The following MRGPRX4 variants were observed in gnomAD, a reference collection of about 807,000 sequenced individuals.
The protein encoded by MRGPRX4 is MAS related GPR family member X4, also known as mas-related G protein-coupled receptor member X4.
Under a neutral mutation model 17.8 loss-of-function variants are expected in MRGPRX4, and 13 were observed. That is an observed-to-expected ratio of 0.73 (90% CI 0.48 to 1.16). The LOEUF (loss-of-function observed/expected upper bound fraction) is 1.16. Ranked by LOEUF, MRGPRX4 falls within the 50% of genes most tolerant of loss-of-function variation. The pLI is 0.00. For synonymous variants in MRGPRX4, 192 were observed against 175.3 expected (o/e 1.10, Z -0.75); for missense variants, 399 against 405.0 (o/e 0.99, Z 0.13).
chr11:18,173,942 G>A lies in MRGPRX4; in HGVS notation c.686G>A (p.Gly229Asp), dbSNP rs1277672888. The change falls in exon 1 of 1, where the codon GGC becomes GAC. Residue 229 changes from glycine (G) to aspartate (D), a missense_variant. By Grantham distance (94) the Gly-to-Asp change is moderately conservative. Coordinates refer to ENST00000314254, the MANE Select transcript of MRGPRX4 (RefSeq NM_054032.3). Reference protein sequence around the residue: ...LLTVLVFLLCGLPFGILGALI... With the variant: ...LLTVLVFLLCDLPFGILGALI... The stretch of plus-strand genomic sequence containing the variant: ...ACAGTGCTGGTCTTCCTCCTCTGCG[G>A]CCTGCCCTTCGGCATTCTGGGGGCC... 1.9e-6 allele frequency: 3 copies of A among 1,614,206 alleles called. No individual in the cohort carries two copies. Among genetic ancestry groups the A allele is most frequent in the East Asian group, 2.2e-5 (1 of 44,892 alleles).
In MRGPRX4 at chr11:18,173,077, T is replaced by G; in HGVS notation, c.-180T>G. 1.3e-6 allele frequency: 1 copy of G among 776,928 alleles called. No homozygotes were observed. The highest frequency in any genetic ancestry group is 2.6e-5 in the East Asian group (1 of 39,154). The allele number at this position is 776,928 out of a possible 1,614,324, so 48.1% of individuals were successfully genotyped here. ...AGTCAACAAGAACTGGATTTCAAAC[T>G]GGATTTGAGGACCCCCACCTTTGGT... On this transcript the variant is annotated 5_prime_UTR_variant, in exon 1 of 1. Coordinates refer to ENST00000314254, the MANE Select transcript of MRGPRX4 (RefSeq NM_054032.3).
Position 18,173,311 on chromosome 11 carries a change from G to A in MRGPRX4, c.55G>A (p.Glu19Lys), listed in dbSNP as rs750509710. 3.1e-6 allele frequency: 5 copies of A among 1,613,882 alleles called. No homozygotes were observed. In the East Asian group the frequency reaches 1.1e-4, roughly 36 times the overall value. ...AAAACTGACACCAATCAACGGACGT[G>A]AGGAGACTCCTTGCTACAATCAGAC... is the stretch of plus-strand genomic sequence containing the variant. ...GTKLTPINGREETPCYNQTLS... is the reference protein window; with the variant it reads ...GTKLTPINGRKETPCYNQTLS... The change falls in exon 1 of 1, where the codon GAG becomes AAG. Residue 19 changes from glutamate to lysine, a missense_variant. Coordinates refer to ENST00000314254, the MANE Select transcript of MRGPRX4 (RefSeq NM_054032.3).
Position 18,173,370 on chromosome 11 carries a change from C to T in MRGPRX4, c.114C>T (p.Ser38=). The T allele has an allele frequency of 6.2e-7, 1 of 1,614,158 alleles. No individual in the cohort carries two copies. Among genetic ancestry groups the T allele is most frequent in the South Asian group, 1.1e-5 (1 of 91,074 alleles). The change falls in exon 1 of 1, where the codon TCC becomes TCT. Residue 38 remains serine, a synonymous_variant. Coordinates refer to ENST00000314254, the MANE Select transcript of MRGPRX4 (RefSeq NM_054032.3). ...TCACGGTGCTGACGTGCATCATTTCCCTTGTCGGACTGACAGGAAACGCGG... is the reference window on the plus strand; with the variant it reads ...TCACGGTGCTGACGTGCATCATTTCTCTTGTCGGACTGACAGGAAACGCGG... ...LSFTVLTCII[S]LVGLTGNAVV...
chr11:18,173,482 C>G lies in MRGPRX4; in HGVS notation c.226C>G (p.Leu76Val). 6.2e-7 allele frequency: 1 copy of G among 1,614,212 alleles called. No individual in the cohort carries two copies. The highest frequency in any genetic ancestry group is 8.5e-7 in the Non-Finnish European group (1 of 1,180,040). Residue 76 changes from leucine (L) to valine (V), a missense_variant, in exon 1 of 1, where the codon CTC becomes GTC. By Grantham distance (32) the Leu-to-Val change is conservative (BLOSUM62 1). Coordinates refer to ENST00000314254, the MANE Select transcript of MRGPRX4 (RefSeq NM_054032.3). The part of the protein sequence containing the change: ...LNLAAADFLF[L>V]SFQIIRLPLR... Reference sequence around the variant, plus strand: ...CCTGGCCGCAGCAGACTTCCTCTTCCTCAGCTTCCAGATTATACGTTTGCC... The same window carrying G: ...CCTGGCCGCAGCAGACTTCCTCTTCGTCAGCTTCCAGATTATACGTTTGCC...
At position 18,173,659 on chromosome 11, in the gene MRGPRX4, C is replaced by A. The variant is rs1235359918; in HGVS notation, c.403C>A (p.Pro135Thr). The A allele has an allele frequency of 1.9e-6, 3 of 1,614,058 alleles. No individual in the cohort carries two copies. The highest frequency in any genetic ancestry group is 2.5e-6 in the Non-Finnish European group (3 of 1,180,044). The stretch of plus-strand genomic sequence containing the variant: ...GCCCATCTGGTACCGCTGCCGCCGC[C>A]CCACACACCTGTCAGCGGTCGTGTG... ...LWPIWYRCRR[P>T]THLSAVVCVL... Residue 135 changes from proline (P) to threonine (T), a missense_variant, in exon 1 of 1, where the codon CCC becomes ACC. Coordinates refer to ENST00000314254, the MANE Select transcript of MRGPRX4 (RefSeq NM_054032.3).
rs1590321060 is a variant in MRGPRX4 at position 18,173,088 on chromosome 11, A to G, written c.-169A>G. ...ACTGGATTTCAAACTGGATTTGAGG[A>G]CCCCCACCTTTGGTAAGTGACTTAT... On this transcript the variant is annotated 5_prime_UTR_variant, in exon 1 of 1. Transcript: ENST00000314254. 1.6e-5 allele frequency: 14 copies of G among 865,822 alleles called. No homozygotes were observed. In the Admixed American group the frequency reaches 3.6e-4, roughly 22 times the overall value. 53.6% of individuals were successfully genotyped at this position (865,822 alleles called of 1,614,324 possible). A position where few individuals can be genotyped will look rare whatever the true frequency, so the allele number is the denominator to read the frequency against.
chr11:18,173,383 A>C lies in MRGPRX4; in HGVS notation c.127A>C (p.Thr43Pro), dbSNP rs200829061. The change falls in exon 1 of 1, where the codon ACA becomes CCA. Residue 43 changes from threonine (T) to proline (P), a missense_variant. Coordinates refer to ENST00000314254, the MANE Select transcript of MRGPRX4 (RefSeq NM_054032.3). ...LTCIISLVGL[T>P]GNAVVLWLLG... is the part of the protein sequence containing the mutation. ...GTGCATCATTTCCCTTGTCGGACTG[A>C]CAGGAAACGCGGTTGTGCTCTGGCT... The C allele has an allele frequency of 1.2e-6, 2 of 1,614,126 alleles. No individual in the cohort carries two copies. The highest frequency in any genetic ancestry group is 2.2e-5 in the South Asian group (2 of 91,082).
At position 18,173,862 on chromosome 11, in the gene MRGPRX4, C is replaced by A. The variant is rs570541225; in HGVS notation, c.606C>A (p.Ile202=). The A allele has an allele frequency of 6.2e-7, 1 of 1,614,134 alleles. No individual in the cohort carries two copies. The highest frequency in any genetic ancestry group is 8.5e-7 in the Non-Finnish European group (1 of 1,180,032). The change falls in exon 1 of 1, where the codon ATC becomes ATA. Residue 202 remains isoleucine, a synonymous_variant. Coordinates refer to ENST00000314254, the MANE Select transcript of MRGPRX4 (RefSeq NM_054032.3). The stretch of plus-strand genomic sequence containing the variant: ...CCAGCCTGGTCCTGCTGGTCAGGAT[C>A]CTCTGTGGATCCCGGAAGATGCCGC... The part of the protein sequence containing the change: ...CVSSLVLLVR[I]LCGSRKMPLT...
In MRGPRX4 at chr11:18,173,202, C is replaced by G; in HGVS notation, c.-55C>G. ...GTGGGGAGAATCAGAGATGATACAGCTGGTGATCACATCTGGTTTGTGTTC... is the reference window on the plus strand; with the variant it reads ...GTGGGGAGAATCAGAGATGATACAGGTGGTGATCACATCTGGTTTGTGTTC... On this transcript the variant is annotated 5_prime_UTR_variant, in exon 1 of 1. Transcript: ENST00000314254. The G allele has an allele frequency of 6.5e-7, 1 of 1,535,936 alleles. No homozygotes were observed. The highest frequency in any genetic ancestry group is 8.8e-7 in the Non-Finnish European group (1 of 1,140,996).
Position 18,174,162 on chromosome 11 carries a change from T to A in MRGPRX4, c.906T>A (p.Asp302Glu), listed in dbSNP as rs1564889486. The A allele has an allele frequency of 6.2e-7, 1 of 1,614,130 alleles. No individual in the cohort carries two copies. The highest frequency in any genetic ancestry group is 8.5e-7 in the Non-Finnish European group (1 of 1,180,008). The stretch of plus-strand genomic sequence containing the variant: ...CTCTGCAGGACAAGCCTGAGGTGGA[T>A]AAAGGTGAAGGGCAGCTTCCTGAGG... Reference protein sequence around the residue: ...QRALQDKPEVDKGEGQLPEES... With the variant: ...QRALQDKPEVEKGEGQLPEES... Residue 302 changes from aspartate to glutamate, a missense_variant, in exon 1 of 1, where the codon GAT becomes GAA. By Grantham distance (45) the Asp-to-Glu change is conservative. Coordinates refer to ENST00000314254, the MANE Select transcript of MRGPRX4 (RefSeq NM_054032.3).
Position 18,173,371 on chromosome 11 carries a change from C to G in MRGPRX4, c.115C>G (p.Leu39Val), listed in dbSNP as rs1336941944. The change falls in exon 1 of 1, where the codon CTT becomes GTT. Residue 39 changes from leucine (L) to valine (V), a missense_variant. Physicochemically the swap from Leu to Val is conservative, Grantham distance 32. Coordinates refer to ENST00000314254, the MANE Select transcript of MRGPRX4 (RefSeq NM_054032.3). The stretch of plus-strand genomic sequence containing the variant: ...CACGGTGCTGACGTGCATCATTTCC[C>G]TTGTCGGACTGACAGGAAACGCGGT... ...SFTVLTCIISLVGLTGNAVVL... is the reference protein window; with the variant it reads ...SFTVLTCIISVVGLTGNAVVL... 6.2e-7 allele frequency: 1 copy of G among 1,614,184 alleles called. No homozygotes were observed. Among genetic ancestry groups the G allele is most frequent in the African/African-American group, 1.3e-5 (1 of 75,028 alleles).
Position 18,173,139 on chromosome 11 carries a change from T to A in MRGPRX4, c.-118T>A, listed in dbSNP as rs752255711. On this transcript the variant is annotated 5_prime_UTR_variant, in exon 1 of 1. Coordinates refer to ENST00000314254, the MANE Select transcript of MRGPRX4 (RefSeq NM_054032.3). Reference sequence around the variant, plus strand: ...TATCTGCGAGCCTCTGTTTCTCTCTTCTTTAAATGAGGACAGTAAATCCCA... The same window carrying A: ...TATCTGCGAGCCTCTGTTTCTCTCTACTTTAAATGAGGACAGTAAATCCCA... 5.4e-5 allele frequency: 73 copies of A among 1,352,100 alleles called. No individual in the cohort carries two copies. The highest frequency in any genetic ancestry group is 6.9e-5 in the Non-Finnish European group (68 of 989,606). The allele number at this position is 1,352,100 out of a possible 1,614,324, so 83.8% of individuals were successfully genotyped here.
rs770447186 is a variant in MRGPRX4, at chr11:18,173,357, C to T, written c.101C>T (p.Thr34Met). The change falls in exon 1 of 1, where the codon ACG (threonine) becomes ATG (methionine). Residue 34 changes from threonine (T) to methionine (M), a missense_variant. Coordinates refer to ENST00000314254, the MANE Select transcript of MRGPRX4 (RefSeq NM_054032.3). ...YNQTLSFTVL[T>M]CIISLVGLTG... ...CAGACCCTGAGCTTCACGGTGCTGACGTGCATCATTTCCCTTGTCGGACTG... is the reference window on the plus strand; with the variant it reads ...CAGACCCTGAGCTTCACGGTGCTGATGTGCATCATTTCCCTTGTCGGACTG... 13 of 1,614,126 alleles carry T rather than the reference C, an allele frequency of 8.1e-6. No homozygotes were observed. Among genetic ancestry groups the T allele is most frequent in the Middle Eastern group, 1.6e-4 (1 of 6,062 alleles).
At position 18,173,296 on chromosome 11, in the gene MRGPRX4, C is replaced by G. The variant is rs760976451; in HGVS notation, c.40C>G (p.Pro14Ala). ...CCCAGTCTTCGGTACAAAACTGACA[C>G]CAATCAACGGACGTGAGGAGACTCC... ...TVPVFGTKLT[P>A]INGREETPCY... The change falls in exon 1 of 1, where the codon CCA becomes GCA. Residue 14 changes from proline to alanine, a missense_variant. Transcript: ENST00000314254. 6.2e-7 allele frequency: 1 copy of G among 1,612,628 alleles called. No individual in the cohort carries two copies. Among genetic ancestry groups the G allele is most frequent in the South Asian group, 1.1e-5 (1 of 90,800 alleles).
Position 18,173,964 on chromosome 11 carries a change from G to A in MRGPRX4, c.708G>A (p.Gly236=), listed in dbSNP as rs202019741. 9 of 1,614,038 alleles carry A rather than the reference G, an allele frequency of 5.6e-6. No individual in the cohort carries two copies. The highest frequency in any genetic ancestry group is 7.6e-6 in the Non-Finnish European group (9 of 1,180,038). ...LLCGLPFGIL[G]ALIYRMHLNL... ...GCGGCCTGCCCTTCGGCATTCTGGG[G>A]GCCCTAATTTACAGGATGCACCTGA... is the stretch of plus-strand genomic sequence containing the variant. The change falls in exon 1 of 1, where the codon GGG becomes GGA. Residue 236 remains glycine (G), a synonymous_variant. Coordinates refer to ENST00000314254, the MANE Select transcript of MRGPRX4 (RefSeq NM_054032.3).
Position 18,173,419 on chromosome 11 carries a change from C to A in MRGPRX4, c.163C>A (p.Arg55Ser). The A allele has an allele frequency of 1.2e-6, 2 of 1,614,138 alleles. No individual in the cohort carries two copies. Among genetic ancestry groups the A allele is most frequent in the South Asian group, 1.1e-5 (1 of 91,070 alleles). Residue 55 changes from arginine to serine, a missense_variant, in exon 1 of 1, where the codon CGC (arginine) becomes AGC (serine). Coordinates refer to ENST00000314254, the MANE Select transcript of MRGPRX4 (RefSeq NM_054032.3). ...NAVVLWLLGY[R>S]MRRNAVSIYI... Reference sequence around the variant, plus strand: ...GGTTGTGCTCTGGCTCCTGGGCTACCGCATGCGCAGGAACGCTGTCTCCAT... The same window carrying A: ...GGTTGTGCTCTGGCTCCTGGGCTACAGCATGCGCAGGAACGCTGTCTCCAT...
At position 18,174,272 on chromosome 11, in the gene MRGPRX4, C is replaced by G. The variant is rs1849352238; in HGVS notation, c.*47C>G. The G allele has an allele frequency of 1.9e-6, 3 of 1,562,226 alleles. No individual in the cohort carries two copies. The East Asian group carries it at 6.8e-5, about 35-fold the overall frequency. ...GTCAGACGGGACTTTGAGAGCAACA[C>G]TGTCCTGCCACCCTTGACAATTACA... On this transcript the variant is annotated 3_prime_UTR_variant, in exon 1 of 1. Coordinates refer to ENST00000314254, the MANE Select transcript of MRGPRX4 (RefSeq NM_054032.3).
chr11:18,173,076 C>A lies in MRGPRX4; in HGVS notation c.-181C>A, dbSNP rs527361337. ...GAGTCAACAAGAACTGGATTTCAAA[C>A]TGGATTTGAGGACCCCCACCTTTGG... On this transcript the variant is annotated 5_prime_UTR_variant, in exon 1 of 1. In the 5' UTR this introduces an upstream ATG that the reference lacks. Transcript: ENST00000314254. 311 of 769,802 alleles carry A rather than the reference C, an allele frequency of 4.0e-4. 2 individuals carry two copies. The African/African-American group carries it at 5.2e-3, about 13-fold the overall frequency. The allele number at this position is 769,802 out of a possible 1,614,324, so 47.7% of individuals were successfully genotyped here.
rs546123274 is a variant in MRGPRX4 at position 18,174,176 on chromosome 11, A to G, written c.920A>G (p.Gln307Arg). 2.2e-5 allele frequency: 36 copies of G among 1,614,178 alleles called. No individual in the cohort carries two copies. The African/African-American group carries it at 3.1e-4, about 14-fold the overall frequency. ...CCTGAGGTGGATAAAGGTGAAGGGC[A>G]GCTTCCTGAGGAAAGCCTGGAGCTG... is the stretch of plus-strand genomic sequence containing the variant. The part of the protein sequence containing the change: ...DKPEVDKGEG[Q>R]LPEESLELSG... Residue 307 changes from glutamine (Q) to arginine (R), a missense_variant, in exon 1 of 1, where the codon CAG (glutamine) becomes CGG (arginine). Transcript: ENST00000314254.
Sources: gnomAD v4.1 joint callset for allele counts on GRCh38, gnomAD v4.1.1 for gene constraint, MANE v1.5 for transcripts, NCBI Gene and HGNC (gene_info 2026-07-23, HGNC 2026-07-21) for gene names.